DOCK4: variants seen among roughly 807,000 people sequenced by gnomAD.
DOCK4 encodes the protein dedicator of cytokinesis 4, also known as dedicator of cytokinesis protein 4.
Under a neutral mutation model 268.1 loss-of-function variants are expected in DOCK4, and 97 were observed. That is an observed-to-expected ratio of 0.36 (90% CI 0.31 to 0.43). The LOEUF is 0.43. Among genes scored for constraint, DOCK4 ranks in the 20% least tolerant of loss-of-function variants. DOCK4 has a pLI of 1.00. For missense variants in DOCK4, 2,145 were observed against 2,455.7 expected (o/e 0.87, Z 2.67); for synonymous variants, 954 against 887.2 (o/e 1.08, Z -1.34).
At chr7:112,205,211 A>G (rs1821293059) in intron 1 of DOCK4, among the ~76,000 whole-genome samples, 3 of 152,136 alleles carry the variant, frequency 2.0e-5, no homozygotes, top group Non-Finnish European at 1.5e-5. Context: ...ACCTTTACAC[A>G]GAACAGCGAG....
chr7:111,751,109 A>T (rs566882922), intron 42 of DOCK4, among the ~76,000 whole-genome samples: 2 of 152,294 alleles, frequency 1.3e-5, no homozygotes, highest in African/African-American at 4.8e-5. Context: ...CATCACACAC[A>T]CACACGACAA....
At position 111,998,763 on chromosome 7, in the gene DOCK4, A is replaced by C. The variant is rs7791573; in HGVS notation, c.163-260T>G. On this transcript the variant is annotated intron_variant, in intron 3 of 52. Coordinates refer to ENST00000428084, the MANE Select transcript of DOCK4 (RefSeq NM_001363540.2). Reference sequence around the variant, plus strand: ...AATTAAATCTTACTCAGAAAACATAATGTTTATTAAACAGAAAATAAGAAA... The same window carrying C: ...AATTAAATCTTACTCAGAAAACATACTGTTTATTAAACAGAAAATAAGAAA... Among the ~76,000 whole-genome samples the C allele has an allele frequency of 0.014, 2,113 of 152,274 alleles. 48 individuals carry two copies. The highest frequency in any genetic ancestry group is 0.048 in the African/African-American group (1,998 of 41,550).
chr7:112,034,125 G>A (rs907316468), intron 1 of DOCK4, among the ~76,000 whole-genome samples: 1 of 152,190 alleles, frequency 6.6e-6, no homozygotes, highest in Non-Finnish European at 1.5e-5. Flanking sequence ...AGAAAGAGAT[G>A]ATATACAAGG....
intron 26 of DOCK4, 135 bp from the exon 27 acceptor site, chr7:111,822,591 G>C: frequency 1.3e-6 from 1 of 757,990 alleles, no homozygotes; most frequent in Non-Finnish European, 2.1e-6. Flanking sequence ...TAGTTTAACA[G>C]TTTGCCCAAG....
intron 15 of DOCK4, 65 bp from the exon 16 acceptor site, chr7:111,895,783 A>G: frequency 1.4e-6 from 2 of 1,466,034 alleles, no homozygotes; most frequent in Non-Finnish European, 1.9e-6. Flanking sequence ...TTTGTCAAGA[A>G]GCATAATCAT....
chr7:111,998,793 C>T (rs1188543841), intron 3 of DOCK4, among the ~76,000 whole-genome samples: 1 of 152,112 alleles, frequency 6.6e-6, no homozygotes, highest in African/African-American at 2.4e-5. Flanking sequence ...AAGAAAATTT[C>T]AGGAATTCTA....
chr7:112,087,565 AAAT>A (rs1196363704), intron 1 of DOCK4, among the ~76,000 whole-genome samples: 4 of 152,192 alleles, frequency 2.6e-5, no homozygotes, highest in African/African-American at 9.7e-5. Flanking sequence ...TGTCAAAAAC[AAAT>A]AATAAAATGT....
intron 1 of DOCK4, among the ~76,000 whole-genome samples, chr7:112,191,475 C>G (rs1159449325): frequency 2.0e-5 from 3 of 151,976 alleles, no homozygotes. Context: ...AGTCAGCATA[C>G]TGACTGACCA....
intron 1 of DOCK4, among the ~76,000 whole-genome samples, chr7:112,007,288 T>C (rs1036770075): frequency 6.6e-6 from 1 of 152,114 alleles, no homozygotes; most frequent in Non-Finnish European, 1.5e-5. Flanking sequence ...AGCATGAACA[T>C]CTGAGTATAA....
chr7:112,046,831 C>T (rs1310839087), intron 1 of DOCK4, among the ~76,000 whole-genome samples: 2 of 152,042 alleles, frequency 1.3e-5, no homozygotes, highest in Non-Finnish European at 2.9e-5. Context: ...ACTGGAGGAA[C>T]CAAAATAGAG....
chr7:111,840,382 G>A (rs1003053788), intron 25 of DOCK4, among the ~76,000 whole-genome samples: 5 of 152,152 alleles, frequency 3.3e-5, no homozygotes, highest in Admixed American at 1.3e-4. Context: ...ACAGAGTTAC[G>A]AACGAGTAAG....
intron 12 of DOCK4, among the ~76,000 whole-genome samples, chr7:111,929,989 T>G (rs191800663): frequency 6.6e-6 from 1 of 152,344 alleles, no homozygotes; most frequent in East Asian, 1.9e-4. Flanking sequence ...TAAATCATAT[T>G]GGCTCAGTCT....
intron 1 of DOCK4, among the ~76,000 whole-genome samples, chr7:112,004,632 G>A (rs1800706032): frequency 6.6e-6 from 1 of 152,216 alleles, no homozygotes; most frequent in South Asian, 2.1e-4. Context: ...AGAAGGGACT[G>A]CATCCATTTG....
At chr7:112,174,833 T>G (rs891793526) in intron 1 of DOCK4, among the ~76,000 whole-genome samples, 1 of 152,252 alleles carries the variant, frequency 6.6e-6, no homozygotes, top group African/African-American at 2.4e-5. Context: ...TGATGTTTTA[T>G]CTCAATGTTT....
chr7:111,950,358 T>C (rs764678632), intron 8 of DOCK4, among the ~76,000 whole-genome samples: 1 of 152,252 alleles, frequency 6.6e-6, no homozygotes, highest in African/African-American at 2.4e-5. Context: ...GTAAGTATGA[T>C]CAGATGACAA....
At chr7:111,886,867 G>T (rs765438999) in intron 16 of DOCK4, among the ~76,000 whole-genome samples, 6 of 152,148 alleles carry the variant, frequency 3.9e-5, no homozygotes, top group Non-Finnish European at 7.4e-5. Context: ...GGAGAAGTTG[G>T]ATGAAGGTTA....
rs187414178 is a variant in DOCK4, at chr7:112,011,838, G to T, written c.38-7707C>A. ...AAAAACAATGTAATATGATTAAAAG[G>T]TTAAGATTTTGGCAACAGCCAGTCA... On this transcript the variant is annotated intron_variant, in intron 1 of 52. Coordinates refer to ENST00000428084, the MANE Select transcript of DOCK4 (RefSeq NM_001363540.2). Among the ~76,000 whole-genome samples, 60 of 149,840 alleles carry T rather than the reference G, an allele frequency of 4.0e-4. 2 individuals are homozygous for T. The South Asian group carries it at 0.012, about 30-fold the overall frequency.
chr7:112,144,967 T>C (rs924626250), intron 1 of DOCK4, among the ~76,000 whole-genome samples: 1 of 152,158 alleles, frequency 6.6e-6, no homozygotes, highest in Non-Finnish European at 1.5e-5. Context: ...TCTTGCTTGT[T>C]AGAATTTTTT....
chr7:111,949,451 C>T (rs1795881037), intron 8 of DOCK4, among the ~76,000 whole-genome samples: 1 of 152,104 alleles, frequency 6.6e-6, no homozygotes, highest in Non-Finnish European at 1.5e-5. Context: ...TACACAGAAT[C>T]CTGATTATGC....
Sources: gnomAD v4.1 joint callset for allele counts (sites outside exome capture counted in the v4.1 genomes callset) on GRCh38, gnomAD v4.1.1 for gene constraint, MANE v1.5 for transcripts, NCBI Gene and HGNC (gene_info 2026-07-23, HGNC 2026-07-21) for gene names.